The following MGMT variants were observed in gnomAD, a reference collection of about 807,000 sequenced individuals.
MGMT encodes methylated-DNA--protein-cysteine methyltransferase.
Under a neutral mutation model 15.9 loss-of-function variants are expected in MGMT, and 14 were observed. That is an observed-to-expected ratio of 0.88 (90% CI 0.58 to 1.37). MGMT has a LOEUF of 1.37. Ranked by LOEUF, MGMT falls within the 40% of genes most tolerant of loss-of-function variation. MGMT has a pLI of 0.00. For synonymous variants in MGMT, 130 were observed against 118.2 expected (o/e 1.10, Z -0.65); for missense variants, 282 against 268.1 (o/e 1.05, Z -0.36).
At chr10:129,700,221 T>A (rs1432978224) in intron 2 of MGMT, 1 of 152,192 alleles carries the variant, frequency 6.6e-6, no homozygotes, top group Non-Finnish European at 1.5e-5. Context: ...CCCGTTGGCA[T>A]GCCGTTTGTT....
chr10:129,693,216 T>C (rs1847989527), intron 2 of MGMT, among the ~76,000 whole-genome samples: 1 of 152,234 alleles, frequency 6.6e-6, no homozygotes, highest in Non-Finnish European at 1.5e-5. Context: ...CAGGCGTCAG[T>C]GGGGTCTGGG....
At chr10:129,473,552 A>T (rs1254108557) in intron 1 of MGMT, among the ~76,000 whole-genome samples, 1 of 152,168 alleles carries the variant, frequency 6.6e-6, no homozygotes, top group African/African-American at 2.4e-5. Flanking sequence ...ACCCAGATTT[A>T]TTTGATAACC....
intron 2 of MGMT, among the ~76,000 whole-genome samples, chr10:129,562,146 TA>T (rs1483730413): frequency 6.6e-6 from 1 of 152,190 alleles, no homozygotes; most frequent in Non-Finnish European, 1.5e-5. Flanking sequence ...AGACTTGTTG[TA>T]AAAAATTATA....
intron 3 of MGMT, chr10:129,717,866 TATTC>T (rs1174354503): frequency 1.3e-5 from 2 of 152,222 alleles, no homozygotes; most frequent in Admixed American, 1.3e-4. Context: ...ATTTAAATAT[TATTC>T]ATGGCCCAAT....
intron 1 of MGMT, among the ~76,000 whole-genome samples, chr10:129,498,607 A>G (rs1207455203): frequency 1.3e-5 from 2 of 152,184 alleles, no homozygotes; most frequent in Admixed American, 1.3e-4. Context: ...TTACTCAAAT[A>G]GCCCCCAGTT....
At chr10:129,719,058 C>T (rs565255111) in intron 3 of MGMT, among the ~76,000 whole-genome samples, 7 of 152,280 alleles carry the variant, frequency 4.6e-5, no homozygotes, top group African/African-American at 9.6e-5. Flanking sequence ...GGCGTGTCAC[C>T]GTCCCAGGCT....
Position 129,490,948 on chromosome 10 carries a change from A to G in MGMT, c.-13+23652A>G, listed in dbSNP as rs74160205. Among the ~76,000 whole-genome samples, 690 of 152,350 alleles carry G rather than the reference A, an allele frequency of 4.5e-3. 8 individuals carry two copies. Among genetic ancestry groups the G allele is most frequent in the African/African-American group, 0.016 (664 of 41,580 alleles). The stretch of plus-strand genomic sequence containing the variant: ...TTTGCCACTTCCTGAATAGTAAAAT[A>G]CTTTACAAAATGTTAGTCATTTCCC... On this transcript the variant is annotated intron_variant, in intron 1 of 4. Transcript: ENST00000651593.
chr10:129,485,492 G>A (rs1845399242), intron 1 of MGMT, among the ~76,000 whole-genome samples: 2 of 152,180 alleles, frequency 1.3e-5, no homozygotes, highest in African/African-American at 4.8e-5. Flanking sequence ...TTATATAAAA[G>A]TTGAGCACCC....
At chr10:129,496,881 T>TG (rs1262038817) in intron 1 of MGMT, among the ~76,000 whole-genome samples, 3 of 152,124 alleles carry the variant, frequency 2.0e-5, no homozygotes, top group African/African-American at 4.8e-5. Context: ...ATTGTAGAGA[T>TG]GGGGTCTCTC....
At chr10:129,512,871 C>T (rs183169327) in intron 1 of MGMT, among the ~76,000 whole-genome samples, 327 of 152,004 alleles carry the variant, frequency 2.2e-3, no homozygotes, top group Non-Finnish European at 3.7e-3. Context: ...CATAGAATTC[C>T]CATGTGGCCC....
chr10:129,698,630 C>T (rs776830122), intron 2 of MGMT, among the ~76,000 whole-genome samples: 4 of 152,276 alleles, frequency 2.6e-5, no homozygotes, highest in Non-Finnish European at 4.4e-5. Flanking sequence ...GCAACACAGA[C>T]ATAAGGCTAT....
chr10:129,746,265 A>C (rs1272238902), intron 3 of MGMT, among the ~76,000 whole-genome samples: 2 of 151,408 alleles, frequency 1.3e-5, no homozygotes, highest in African/African-American at 4.8e-5. Flanking sequence ...ACAAACAAAA[A>C]AAAACACCTG....
Position 129,479,572 on chromosome 10 carries a change from G to A in MGMT, c.-13+12276G>A, listed in dbSNP as rs114525797. Among the ~76,000 whole-genome samples, 564 of 152,312 alleles carry A rather than the reference G, an allele frequency of 3.7e-3. 6 individuals are homozygous for A. Among genetic ancestry groups the A allele is most frequent in the African/African-American group, 0.013 (534 of 41,562 alleles). On this transcript the variant is annotated intron_variant, in intron 1 of 4. Coordinates refer to ENST00000651593, the MANE Select transcript of MGMT (RefSeq NM_002412.5). ...ACGTCTCCCAAAGAGAATCAGTCAT[G>A]TTTTTGTGGAAAAGTTTGTGTGAGT... is the stretch of plus-strand genomic sequence containing the variant.
chr10:129,590,599 A>G (rs75623395), intron 2 of MGMT, among the ~76,000 whole-genome samples: 4,951 of 152,346 alleles, frequency 0.032, 131 homozygotes, highest in South Asian at 0.065. Flanking sequence ...TAGCCAAGAA[A>G]AAGAACGTAA....
intron 2 of MGMT, among the ~76,000 whole-genome samples, chr10:129,623,878 AC>A (rs1225597246): frequency 1.3e-5 from 2 of 152,084 alleles, no homozygotes; most frequent in Non-Finnish European, 2.9e-5. Flanking sequence ...GAGAATGTAG[AC>A]CCCACACCCT....
At chr10:129,643,194 C>T (rs549012928) in intron 2 of MGMT, among the ~76,000 whole-genome samples, 1 of 152,096 alleles carries the variant, frequency 6.6e-6, no homozygotes, top group South Asian at 2.1e-4. Context: ...TGAGGAGTAC[C>T]CTGAGGTTAA....
intron 3 of MGMT, among the ~76,000 whole-genome samples, chr10:129,735,703 T>C (rs369918659): frequency 0.043 from 4,601 of 105,954 alleles, 143 homozygotes; most frequent in South Asian, 0.14. Flanking sequence ...CATTTAGTGC[T>C]ATAAATTTCC....
At chr10:129,669,905 G>A (rs138884936) in intron 2 of MGMT, among the ~76,000 whole-genome samples, 1,981 of 152,198 alleles carry the variant, frequency 0.013, 16 homozygotes, top group Middle Eastern at 0.024. Flanking sequence ...TATAAAGTCC[G>A]ATTTACAAAG....
intron 2 of MGMT, among the ~76,000 whole-genome samples, chr10:129,548,005 T>A (rs1252515549): frequency 6.6e-6 from 1 of 152,262 alleles, no homozygotes; most frequent in Admixed American, 6.5e-5. Flanking sequence ...GGGCTTTTTG[T>A]ATGTGAAGTA....
Sources: allele counts gnomAD v4.1 joint callset (sites outside exome capture counted in the v4.1 genomes callset), GRCh38; gene constraint gnomAD v4.1.1; transcripts MANE v1.5; gene names NCBI Gene and HGNC (gene_info 2026-07-23, HGNC 2026-07-21).